The following GRIK4 variants were observed in gnomAD, a reference collection of about 807,000 sequenced individuals.
GRIK4 encodes the protein glutamate receptor ionotropic, kainate 4.
GRIK4 carries 40 observed loss-of-function variants against 104.9 expected under a neutral mutation model. The ratio of observed to expected loss-of-function variants is 0.38; its 90% CI spans 0.30 to 0.50. The LOEUF (loss-of-function observed/expected upper bound fraction) is 0.50, where lower values mean the gene tolerates loss of function less well. Among genes scored for constraint, GRIK4 ranks in the 20% least tolerant of loss-of-function variants. The pLI, the probability that GRIK4 is intolerant of heterozygous loss-of-function variation, is 0.93. For missense variants in GRIK4, 1,047 were observed against 1,308.1 expected (o/e 0.80, Z 3.08); for synonymous variants, 485 against 524.9 (o/e 0.92, Z 1.04).
intron 3 of GRIK4, among the ~76,000 whole-genome samples, chr11:120,685,857 C>G (rs934191860): frequency 6.6e-6 from 1 of 152,064 alleles, no homozygotes; most frequent in Non-Finnish European, 1.5e-5. Flanking sequence ...TGCCCTAAGC[C>G]CTTTGTGCCT....
At chr11:120,591,282 G>T (rs1948729396) in intron 1 of GRIK4, among the ~76,000 whole-genome samples, 1 of 151,876 alleles carries the variant, frequency 6.6e-6, no homozygotes, top group South Asian at 2.1e-4. Flanking sequence ...GCATCACTAG[G>T]ACTCACCTGG....
chr11:120,885,918 C>G (rs561301363), intron 11 of GRIK4, among the ~76,000 whole-genome samples: 3 of 152,302 alleles, frequency 2.0e-5, no homozygotes, highest in Admixed American at 6.5e-5. Flanking sequence ...TCTCTGAGAA[C>G]AGCCAATGTG....
At chr11:120,594,804 G>A (rs115465195) in intron 1 of GRIK4, among the ~76,000 whole-genome samples, 143 of 152,322 alleles carry the variant, frequency 9.4e-4, no homozygotes, top group African/African-American at 3.4e-3. Flanking sequence ...CATTGCCACT[G>A]ATTGGGGTAA....
At chr11:120,638,991 G>T (rs1949434838) in intron 1 of GRIK4, among the ~76,000 whole-genome samples, 1 of 151,842 alleles carries the variant, frequency 6.6e-6, no homozygotes. Context: ...GAGGTCAGGA[G>T]TTCGAAACCA....
At chr11:120,740,681 T>C (rs1951311859) in intron 3 of GRIK4, among the ~76,000 whole-genome samples, 1 of 152,190 alleles carries the variant, frequency 6.6e-6, no homozygotes, top group Non-Finnish European at 1.5e-5. Context: ...GTCTCTGTGC[T>C]CCCATGGAGC....
intron 5 of GRIK4, among the ~76,000 whole-genome samples, chr11:120,818,518 C>T (rs1415516679): frequency 6.6e-6 from 1 of 152,218 alleles, no homozygotes; most frequent in African/African-American, 2.4e-5. Context: ...ATTGGTTGCC[C>T]TCTCCCTATG....
chr11:120,866,859 C>G (rs1278269947), intron 9 of GRIK4, among the ~76,000 whole-genome samples: 1 of 152,216 alleles, frequency 6.6e-6, no homozygotes. Flanking sequence ...TCCCACCCCA[C>G]TGGGTTTCAC....
chr11:120,943,151 C>CACACACACACA (rs869038854), intron 14 of GRIK4, among the ~76,000 whole-genome samples: 10 of 98,510 alleles, frequency 1.0e-4, no homozygotes, highest in East Asian at 2.9e-4. Context: ...CACACACACA[C>CACACACACACA]CCCCCTGACT....
intron 1 of GRIK4, among the ~76,000 whole-genome samples, chr11:120,606,173 G>A (rs1448434837): frequency 6.6e-6 from 1 of 152,052 alleles, no homozygotes; most frequent in East Asian, 1.9e-4. Flanking sequence ...ATGTTTTGAC[G>A]CCTCATTTGC....
In GRIK4 at chr11:120,614,559, T is replaced by A. The variant is rs144970908; in HGVS notation, c.-158-39126T>A. Among the ~76,000 whole-genome samples the A allele has an allele frequency of 2.2e-4, 34 of 152,340 alleles. 2 individuals are homozygous for A. In the East Asian group the frequency reaches 5.8e-3, roughly 26 times the overall value. On this transcript the variant is annotated intron_variant, in intron 1 of 20. Transcript: ENST00000527524. ...CTCCTGGCCAATCTGAACTACTGCATCCTAGACCCAGGCTTGGCCATTGCA... is the reference window on the plus strand; with the variant it reads ...CTCCTGGCCAATCTGAACTACTGCAACCTAGACCCAGGCTTGGCCATTGCA...
chr11:120,754,392 A>G (rs768978036), intron 3 of GRIK4, among the ~76,000 whole-genome samples: 5 of 152,196 alleles, frequency 3.3e-5, no homozygotes, highest in Non-Finnish European at 5.9e-5. Context: ...AATGTGTTCA[A>G]GGCTCATCCG....
chr11:120,777,958 A>AG (rs1952076196), intron 3 of GRIK4, among the ~76,000 whole-genome samples: 1 of 151,896 alleles, frequency 6.6e-6, no homozygotes, highest in African/African-American at 2.4e-5. Flanking sequence ...AGAAAAAAAA[A>AG]AAGGACGAAA....
chr11:120,574,659 C>T (rs987236651), intron 1 of GRIK4, among the ~76,000 whole-genome samples: 12 of 152,266 alleles, frequency 7.9e-5, no homozygotes, highest in South Asian at 2.1e-4. Flanking sequence ...CTATTGAACC[C>T]GTGGTGCCAG....
chr11:120,585,375 A>T (rs1168036933), intron 1 of GRIK4, among the ~76,000 whole-genome samples: 2 of 147,538 alleles, frequency 1.4e-5, no homozygotes, highest in Admixed American at 6.8e-5. Flanking sequence ...TGTGAGACAG[A>T]GTCTCACTCT....
chr11:120,712,063 G>A (rs1039220457), intron 3 of GRIK4, among the ~76,000 whole-genome samples: 2 of 152,258 alleles, frequency 1.3e-5, no homozygotes, highest in South Asian at 2.1e-4. Context: ...GCTGCTTCAC[G>A]CAGCTTACAC....
At chr11:120,704,023 A>G (rs1052694700) in intron 3 of GRIK4, among the ~76,000 whole-genome samples, 1 of 152,218 alleles carries the variant, frequency 6.6e-6, no homozygotes, top group Non-Finnish European at 1.5e-5. Flanking sequence ...TCCGTTCACT[A>G]GCTTTGTTGC....
intron 12 of GRIK4, among the ~76,000 whole-genome samples, chr11:120,904,085 C>A (rs1565429278): frequency 6.6e-6 from 1 of 152,136 alleles, no homozygotes; most frequent in East Asian, 1.9e-4. Context: ...TCCCCAGGGC[C>A]TCTTCTTCTT....
At chr11:120,892,171 C>T (rs907370002) in intron 11 of GRIK4, among the ~76,000 whole-genome samples, 1 of 152,074 alleles carries the variant, frequency 6.6e-6, no homozygotes, top group Non-Finnish European at 1.5e-5. Flanking sequence ...GGGAAGGAGC[C>T]TGTTGCACTT....
intron 20 of GRIK4, among the ~76,000 whole-genome samples, chr11:120,982,458 C>T (rs1416535452): frequency 6.6e-6 from 1 of 152,134 alleles, no homozygotes; most frequent in African/African-American, 2.4e-5. Context: ...GTGAAAGTAC[C>T]AGGTTACTAT....
Sources: allele counts gnomAD v4.1 joint callset (sites outside exome capture counted in the v4.1 genomes callset), GRCh38; gene constraint gnomAD v4.1.1; transcripts MANE v1.5; gene names NCBI Gene and HGNC (gene_info 2026-07-23, HGNC 2026-07-21).